Variants in SV2C observed in about 807,000 individuals in gnomAD.
SV2C encodes synaptic vesicle glycoprotein 2C.
SV2C carries 49 observed loss-of-function variants against 79.7 expected under a neutral mutation model. The observed-to-expected ratio is 0.61, with a 90% CI of 0.49 to 0.78. The LOEUF (loss-of-function observed/expected upper bound fraction) is 0.78, where lower values mean the gene tolerates loss of function less well. SV2C is among the 30% of genes least tolerant of loss of function. The pLI is 0.00. For synonymous variants in SV2C, 334 were observed against 333.2 expected (o/e 1.00, Z -0.03); for missense variants, 833 against 912.9 (o/e 0.91, Z 1.13).
the SV2C span, among the ~76,000 whole-genome samples, chr5:76,076,443 G>A: frequency 6.6e-6 from 1 of 152,192 alleles, no homozygotes; most frequent in Non-Finnish European, 1.5e-5. Flanking sequence ...TTCAGGAAAA[G>A]ATTGAAGTTT....
At chr5:75,927,182 G>A in the SV2C span, among the ~76,000 whole-genome samples, 12 of 152,060 alleles carry the variant, frequency 7.9e-5, no homozygotes, top group African/African-American at 2.9e-4. Context: ...TGGTTTAAAT[G>A]TGTTCCCTAC....
intron 4 of SV2C, among the ~76,000 whole-genome samples, chr5:76,221,361 T>C (rs1450771193): frequency 1.3e-5 from 2 of 152,194 alleles, no homozygotes; most frequent in African/African-American, 4.8e-5. Flanking sequence ...TAACAAAAAT[T>C]GGCCCAAATT....
intron 2 of SV2C, among the ~76,000 whole-genome samples, chr5:76,150,213 T>C (rs1749558474): frequency 6.6e-6 from 1 of 151,542 alleles, no homozygotes; most frequent in Admixed American, 6.6e-5. Flanking sequence ...TTTTTTTTTT[T>C]TGAGACAGAC....
At chr5:75,993,705 A>C in the SV2C span, among the ~76,000 whole-genome samples, 1 of 152,010 alleles carries the variant, frequency 6.6e-6, no homozygotes, top group Non-Finnish European at 1.5e-5. Context: ...TCTTTCCTTC[A>C]GGGAGGAGAT....
the SV2C span, among the ~76,000 whole-genome samples, chr5:75,919,604 A>G: frequency 6.6e-6 from 1 of 152,226 alleles, no homozygotes; most frequent in African/African-American, 2.4e-5. Flanking sequence ...AAATTATTTT[A>G]TCATAACCCT....
chr5:76,119,293 A>G (rs1056435065), intron 1 of SV2C, among the ~76,000 whole-genome samples: 6 of 152,212 alleles, frequency 3.9e-5, no homozygotes, highest in African/African-American at 1.4e-4. Context: ...CCCTCTTTCC[A>G]CCCTGCACCC....
chr5:75,959,369 G>A, the SV2C span, among the ~76,000 whole-genome samples: 2 of 151,952 alleles, frequency 1.3e-5, no homozygotes, highest in Non-Finnish European at 2.9e-5. Context: ...AGATCAGAAT[G>A]GCCTCAAAGC....
At chr5:76,230,931 G>C (rs934027205) in intron 4 of SV2C, among the ~76,000 whole-genome samples, 1 of 152,176 alleles carries the variant, frequency 6.6e-6, no homozygotes, top group African/African-American at 2.4e-5. Context: ...CCTCAGTCCT[G>C]ACACACATTA....
At chr5:76,034,342 T>G in the SV2C span, among the ~76,000 whole-genome samples, 2 of 152,248 alleles carry the variant, frequency 1.3e-5, no homozygotes. Flanking sequence ...TCAAAGGGAA[T>G]GCTTCCAGCT....
chr5:75,976,144 A>G, the SV2C span, among the ~76,000 whole-genome samples: 1 of 152,178 alleles, frequency 6.6e-6, no homozygotes, highest in Non-Finnish European at 1.5e-5. Context: ...AAATGGAATT[A>G]ATATGTTTGT....
At chr5:76,145,928 A>G (rs552934211) in intron 2 of SV2C, among the ~76,000 whole-genome samples, 28 of 152,174 alleles carry the variant, frequency 1.8e-4, no homozygotes, top group Non-Finnish European at 3.2e-4. Context: ...AATAATAATT[A>G]TATGTCCTTG....
the SV2C span, among the ~76,000 whole-genome samples, chr5:75,977,122 A>G: frequency 6.6e-6 from 1 of 152,222 alleles, no homozygotes; most frequent in Admixed American, 6.5e-5. Context: ...AAAATCTACT[A>G]TTAAATAAAA....
At chr5:75,980,106 A>G in the SV2C span, among the ~76,000 whole-genome samples, 58 of 152,338 alleles carry the variant, frequency 3.8e-4, no homozygotes, top group African/African-American at 1.4e-3. Flanking sequence ...CACATAAACG[A>G]GAAAATCTAG....
At chr5:76,206,286 T>C (rs1744605540) in intron 3 of SV2C, among the ~76,000 whole-genome samples, 1 of 152,202 alleles carries the variant, frequency 6.6e-6, no homozygotes, top group African/African-American at 2.4e-5. Flanking sequence ...TGATGATCAT[T>C]ATAGCATCTG....
chr5:75,871,834 TACACACACACACACACAC>T, the SV2C span, among the ~76,000 whole-genome samples: 1 of 118,840 alleles, frequency 8.4e-6, no homozygotes, highest in Admixed American at 8.9e-5. Context: ...TATATATATA[TACACACACACACACACAC>T]ACACACGTAT....
At chr5:76,026,691 G>C in the SV2C span, among the ~76,000 whole-genome samples, 1 of 152,174 alleles carries the variant, frequency 6.6e-6, no homozygotes, top group Admixed American at 6.5e-5. Context: ...AGTCGGAGTG[G>C]GGTGAATAAA....
chr5:75,880,065 G>A, the SV2C span, among the ~76,000 whole-genome samples: 1,777 of 152,322 alleles, frequency 0.012, 30 homozygotes, highest in African/African-American at 0.04. Flanking sequence ...GGTATGGGGA[G>A]CAGTGTTCTG....
intron 12 of SV2C, among the ~76,000 whole-genome samples, chr5:76,321,809 T>A (rs1241423721): frequency 6.6e-6 from 1 of 152,016 alleles, no homozygotes; most frequent in African/African-American, 2.4e-5. Context: ...GTACTAAAGA[T>A]AATAATTTTT....
At chr5:75,910,585 G>A in the SV2C span, 3 of 711,978 alleles carry the variant, frequency 4.2e-6, no homozygotes, top group Non-Finnish European at 7.6e-6. Context: ...AGATTGAGGA[G>A]AGAATTGCCA....
Sources: gnomAD v4.1 joint callset for allele counts (sites outside exome capture counted in the v4.1 genomes callset) on GRCh38, gnomAD v4.1.1 for gene constraint, MANE v1.5 for transcripts, NCBI Gene and HGNC (gene_info 2026-07-23, HGNC 2026-07-21) for gene names.